PAPPA: variants seen among roughly 807,000 people sequenced by gnomAD.
The protein encoded by PAPPA is pappalysin 1, also known as pappalysin-1.
In PAPPA, 60 loss-of-function variants were observed where a neutral mutation model predicts 164.0. The observed-to-expected ratio is 0.37, with a 90% CI of 0.30 to 0.45. The LOEUF (loss-of-function observed/expected upper bound fraction) is 0.45. Among genes scored for constraint, PAPPA ranks in the 20% least tolerant of loss-of-function variants. The pLI is 1.00. For synonymous variants in PAPPA, 875 were observed against 814.1 expected, an observed-to-expected ratio of 1.07 and a Z score of -1.27; for missense variants, 1,782 against 2,087.3, an observed-to-expected ratio of 0.85 and a Z score of 2.85.
At position 116,235,582 on chromosome 9, in the gene PAPPA, C is replaced by T; in HGVS notation, c.2677C>T (p.Pro893Ser). 1.2e-6 allele frequency: 2 copies of T among 1,613,486 alleles called. No individual in the cohort carries two copies. The highest frequency in any genetic ancestry group is 1.1e-5 in the South Asian group (1 of 91,042). The change falls in exon 7 of 22, where the codon CCT becomes TCT. Residue 893 changes from proline to serine, a missense_variant. Pro to Ser is a moderately conservative substitution (Grantham distance 74). This residue lies in a region of PAPPA where 1,324 missense variants were observed against 1,656.9 expected (regional missense o/e 0.80). Coordinates refer to ENST00000328252, the MANE Select transcript of PAPPA (RefSeq NM_002581.5). The part of the protein sequence containing the change: ...PLKYKVVRDP[P>S]LQMDVASILH... ...GAAGTATAAGGTGGTCCGGGACCCT[C>T]CTCTCCAGATGGATGTGGCCTCCAT... is the stretch of plus-strand genomic sequence containing the variant.
chr9:116,294,691 G>T (rs1444739410), intron 9 of PAPPA, among the ~76,000 whole-genome samples: 1 of 152,078 alleles, frequency 6.6e-6, no homozygotes, highest in Non-Finnish European at 1.5e-5. Flanking sequence ...TGTGTGTGGG[G>T]GTGTTTCTTT....
chr9:116,312,119 G>C (rs1173668863), intron 10 of PAPPA, among the ~76,000 whole-genome samples: 5 of 152,074 alleles, frequency 3.3e-5, no homozygotes, highest in Non-Finnish European at 7.4e-5. Context: ...CTTGGCCTCT[G>C]TCTTCCTTTT....
At chr9:116,274,594 G>A (rs1845175206) in intron 9 of PAPPA, among the ~76,000 whole-genome samples, 1 of 152,210 alleles carries the variant, frequency 6.6e-6, no homozygotes, top group Non-Finnish European at 1.5e-5. Flanking sequence ...ACTTAGATGT[G>A]TAACTTTGGC....
rs1846971926 is a variant in PAPPA, at chr9:116,396,889, C to T, written c.*273C>T. The T allele has an allele frequency of 2.2e-6, 1 of 464,072 alleles. No homozygotes were observed. Among genetic ancestry groups the T allele is most frequent in the East Asian group, 3.6e-5 (1 of 28,168 alleles). The allele number at this position is 464,072 out of a possible 1,614,324, so 28.7% of individuals were successfully genotyped here. On this transcript the variant is annotated 3_prime_UTR_variant, in exon 22 of 22. Transcript: ENST00000328252. The stretch of plus-strand genomic sequence containing the variant: ...TCCCAGAGCCTCCTAAAATTCTAGC[C>T]ATTTGTCACACAACCACAGCAAGAA...
At chr9:116,359,673 C>T (rs988921994) in intron 17 of PAPPA, among the ~76,000 whole-genome samples, 1 of 152,142 alleles carries the variant, frequency 6.6e-6, no homozygotes, top group African/African-American at 2.4e-5. Flanking sequence ...ATTTAAAAAT[C>T]CAAAGAGGCT....
At chr9:116,159,400 T>C (rs1163291181) in intron 1 of PAPPA, among the ~76,000 whole-genome samples, 1 of 152,218 alleles carries the variant, frequency 6.6e-6, no homozygotes, top group Non-Finnish European at 1.5e-5. Context: ...GCTTCCCCTC[T>C]TGAGTTGCTG....
At chr9:116,281,839 C>T (rs991887197) in intron 9 of PAPPA, among the ~76,000 whole-genome samples, 6 of 152,160 alleles carry the variant, frequency 3.9e-5, no homozygotes, top group Non-Finnish European at 7.3e-5. Context: ...CTGCCTCACA[C>T]CCCACTTAAC....
At chr9:116,166,791 A>G (rs1843724236) in intron 1 of PAPPA, among the ~76,000 whole-genome samples, 1 of 152,186 alleles carries the variant, frequency 6.6e-6, no homozygotes, top group Non-Finnish European at 1.5e-5. Context: ...CACCAGTTTA[A>G]TTTTATCTCT....
intron 3 of PAPPA, among the ~76,000 whole-genome samples, chr9:116,209,158 G>C (rs975632547): frequency 2.0e-5 from 3 of 152,194 alleles, no homozygotes; most frequent in African/African-American, 7.2e-5. Context: ...GGTGGGGTTG[G>C]GCAGAAGAGA....
Position 116,154,168 on chromosome 9 carries a change from C to G in PAPPA, c.-5C>G. ...GCGAAGGGGGGGCGGGGGGAACCGT[C>G]GGACATGCGGCTCTGGAGTTGGGTG... On this transcript the variant is annotated 5_prime_UTR_variant, in exon 1 of 22. Transcript: ENST00000328252. This position sits in a 1 kb window ranked among gnomAD's most constrained non-coding sequence, Gnocchi z 5.2. 1 of 1,479,402 alleles carries G rather than the reference C, an allele frequency of 6.8e-7. No individual in the cohort carries two copies. Among genetic ancestry groups the G allele is most frequent in the South Asian group, 1.2e-5 (1 of 82,750 alleles). The allele number at this position is 1,479,402 out of a possible 1,614,324, so 91.6% of individuals were successfully genotyped here. A position where few individuals can be genotyped will look rare whatever the true frequency, so the allele number is the denominator to read the frequency against.
intron 2 of PAPPA, among the ~76,000 whole-genome samples, chr9:116,197,979 C>A (rs1486257614): frequency 2.0e-5 from 3 of 152,334 alleles, no homozygotes; most frequent in South Asian, 2.1e-4. Flanking sequence ...TCTGAAATAA[C>A]CCTTGTTCCT....
At chr9:116,169,602 G>A (rs1343885402) in intron 1 of PAPPA, among the ~76,000 whole-genome samples, 1 of 151,708 alleles carries the variant, frequency 6.6e-6, no homozygotes, top group Non-Finnish European at 1.5e-5. Flanking sequence ...TTACAAGCAT[G>A]AGCCACCGCA....
chr9:116,169,062 G>A (rs1485072740), intron 1 of PAPPA, among the ~76,000 whole-genome samples: 1 of 152,174 alleles, frequency 6.6e-6, no homozygotes, highest in Non-Finnish European at 1.5e-5. Context: ...GTGAAGAAAA[G>A]GTGCTTTGAG....
intron 13 of PAPPA, among the ~76,000 whole-genome samples, chr9:116,344,038 T>C (rs1194368694): frequency 6.6e-6 from 1 of 152,150 alleles, no homozygotes; most frequent in Non-Finnish European, 1.5e-5. Flanking sequence ...AGTGCTGGGA[T>C]TACAGGCATG....
At chr9:116,211,486 A>G (rs1370612289) in intron 3 of PAPPA, among the ~76,000 whole-genome samples, 153 bp from the exon 4 acceptor site, 3 of 152,180 alleles carry the variant, frequency 2.0e-5, no homozygotes, top group African/African-American at 7.2e-5. Flanking sequence ...TTCATGCCAT[A>G]GGTTGTAACA....
At chr9:116,334,254 A>AC (rs1026017126) in intron 12 of PAPPA, among the ~76,000 whole-genome samples, 5 of 151,138 alleles carry the variant, frequency 3.3e-5, no homozygotes, top group African/African-American at 1.2e-4. Context: ...AAAAAAAAAA[A>AC]AAAAAACAGG....
intron 8 of PAPPA, 46 bp downstream of exon 8, chr9:116,266,031 G>A (rs1233791684): frequency 1.9e-6 from 3 of 1,539,722 alleles, no homozygotes; most frequent in Non-Finnish European, 2.7e-6. Flanking sequence ...TGCTGGTTAG[G>A]TCAAGAGATG....
At position 116,154,320 on chromosome 9, in the gene PAPPA, C is replaced by G. The variant is rs1470193464; in HGVS notation, c.148C>G (p.Arg50Gly). Reference sequence around the variant, plus strand: ...CGCCGGCCCGGCCACCTGCGCCACCCGGGCGGCCCGCGGCCGCCGCGCCTC... The same window carrying G: ...CGCCGGCCCGGCCACCTGCGCCACCGGGGCGGCCCGCGGCCGCCGCGCCTC... ...PAAGPATCAT[R>G]AARGRRASPP... The change falls in exon 1 of 22, where the codon CGG becomes GGG. Residue 50 changes from arginine (R) to glycine (G), a missense_variant. By Grantham distance (125) the Arg-to-Gly change is moderately radical. Transcript: ENST00000328252. This position sits in a 1 kb window ranked among gnomAD's most constrained non-coding sequence, Gnocchi z 5.2. The G allele has an allele frequency of 3.4e-6, 3 of 881,136 alleles. No individual in the cohort carries two copies. The highest frequency in any genetic ancestry group is 4.1e-6 in the Non-Finnish European group (3 of 738,726). 54.6% of individuals were successfully genotyped at this position (881,136 alleles called of 1,614,324 possible). A position where few individuals can be genotyped will look rare whatever the true frequency, so the allele number is the denominator to read the frequency against.
At chr9:116,213,282 T>G (rs1844331111) in intron 4 of PAPPA, among the ~76,000 whole-genome samples, 1 of 152,214 alleles carries the variant, frequency 6.6e-6, no homozygotes, top group African/African-American at 2.4e-5. Flanking sequence ...TGATCCCCAG[T>G]GGTTCTTTCT....
Sources: gnomAD v4.1 joint callset for allele counts (sites outside exome capture counted in the v4.1 genomes callset) on GRCh38, gnomAD v4.1.1 for gene constraint, gnomAD v4.1.1 regional missense constraint, Gnocchi (gnomAD v3.1) non-coding constraint, MANE v1.5 for transcripts, NCBI Gene and HGNC (gene_info 2026-07-23, HGNC 2026-07-21) for gene names.